The following ECSIT variants were observed in gnomAD, a reference collection of about 807,000 sequenced individuals.
ECSIT encodes the protein ECSIT signaling integrator, also known as evolutionarily conserved signaling intermediate in Toll pathway, mitochondrial.
Under a neutral mutation model 36.8 loss-of-function variants are expected in ECSIT, and 29 were observed. That is an observed-to-expected ratio of 0.79 (90% confidence interval 0.59 to 1.08). The LOEUF (loss-of-function observed/expected upper bound fraction) is 1.08. ECSIT is among the 50% of genes least tolerant of loss of function. The pLI is 0.00. For synonymous variants in ECSIT, 231 were observed against 234.8 expected, an observed-to-expected ratio of 0.98 and a Z score of 0.15; for missense variants, 542 against 581.0, an observed-to-expected ratio of 0.93 and a Z score of 0.69.
Position 11,506,257 on chromosome 19 carries a change from T to G in ECSIT, c.1223A>C (p.Glu408Ala). The change falls in exon 8 of 8, where the codon GAG (glutamate) becomes GCG (alanine). Residue 408 changes from glutamate to alanine, a missense_variant. Coordinates refer to ENST00000270517, the MANE Select transcript of ECSIT (RefSeq NM_016581.5). ...GTGGTCCTCGGGCAGGGGCGGCTCC[T>G]CCAGCCCTGCAGAGGATGTCTGGAG... is the stretch of plus-strand genomic sequence containing the variant. ...RELQTSSAGLEEPPLPEDHQE... is the reference protein window; with the variant it reads ...RELQTSSAGLAEPPLPEDHQE... 1 of 1,611,118 alleles carries G rather than the reference T, an allele frequency of 6.2e-7. No individual in the cohort carries two copies. The highest frequency in any genetic ancestry group is 1.7e-4 in the Middle Eastern group (1 of 6,056).
intron 2 of ECSIT, among the ~76,000 whole-genome samples, chr19:11,516,589 G>C (rs1028872267): frequency 1.3e-5 from 2 of 151,660 alleles, no homozygotes; most frequent in African/African-American, 4.8e-5. Flanking sequence ...GGAATCCCAG[G>C]CTGCAGTGAG....
chr19:11,527,383 C>A (rs984633275), intron 1 of ECSIT, among the ~76,000 whole-genome samples: 1 of 152,102 alleles, frequency 6.6e-6, no homozygotes, highest in African/African-American at 2.4e-5. Context: ...AACGGCATAT[C>A]ACACTTAAAA....
Position 11,513,906 on chromosome 19 carries a change from T to C in ECSIT, c.412A>G (p.Lys138Glu). 1.9e-6 allele frequency: 3 copies of C among 1,614,124 alleles called. No individual in the cohort carries two copies. Among genetic ancestry groups the C allele is most frequent in the Non-Finnish European group, 2.5e-6 (3 of 1,180,016 alleles). Residue 138 changes from lysine to glutamate, a missense_variant, in exon 3 of 8, where the codon AAG (lysine) becomes GAG (glutamate). Transcript: ENST00000270517. ...VYNQLLNIFP[K>E]EVFRPRNIIQ... Reference sequence around the variant, plus strand: ...ATGTTGCGAGGCCGGAAGACCTCCTTGGGGAAGATGTTGAGCAGCTGGTTG... The same window carrying C: ...ATGTTGCGAGGCCGGAAGACCTCCTCGGGGAAGATGTTGAGCAGCTGGTTG...
chr19:11,519,279 C>A lies in ECSIT; in HGVS notation c.-23-86G>T. 1 of 861,382 alleles carries A rather than the reference C, an allele frequency of 1.2e-6. No homozygotes were observed. 53.4% of individuals were successfully genotyped at this position (861,382 alleles called of 1,614,324 possible). A position where few individuals can be genotyped will look rare whatever the true frequency, so the allele number is the denominator to read the frequency against. ...GCCCCGCAGGGTCGAGGGCACACTC[C>A]AGATTATGTGGCTCACTCACCAGCC... On this transcript the variant is annotated intron_variant, in intron 1 of 7. Coordinates refer to ENST00000270517, the MANE Select transcript of ECSIT (RefSeq NM_016581.5). This position sits in a 1 kb window ranked among gnomAD's most constrained non-coding sequence, Gnocchi z 4.4.
chr19:11,517,090 C>T (rs1269678087), intron 2 of ECSIT, among the ~76,000 whole-genome samples: 2 of 151,980 alleles, frequency 1.3e-5, no homozygotes, highest in Non-Finnish European at 2.9e-5. Flanking sequence ...AAATGTGAGG[C>T]CCTAGGTGGG....
chr19:11,510,910 A>G (rs1391672325), intron 4 of ECSIT, among the ~76,000 whole-genome samples: 1 of 151,728 alleles, frequency 6.6e-6, no homozygotes, highest in Non-Finnish European at 1.5e-5. Context: ...CATGATTCCA[A>G]CCCGATTCCT....
At chr19:11,521,569 G>A (rs890240957) in intron 1 of ECSIT, among the ~76,000 whole-genome samples, 14 of 151,088 alleles carry the variant, frequency 9.3e-5, no homozygotes, top group African/African-American at 4.9e-5. Flanking sequence ...GAGTTCGAGA[G>A]CAGCCTGGCC....
chr19:11,520,607 C>A (rs904861292), intron 1 of ECSIT, among the ~76,000 whole-genome samples: 1 of 152,012 alleles, frequency 6.6e-6, no homozygotes, highest in East Asian at 1.9e-4. Context: ...CTCTGCTTTC[C>A]GGGCTCACGA....
At chr19:11,506,773 G>T (rs1436300076) in intron 7 of ECSIT, among the ~76,000 whole-genome samples, 2 of 152,112 alleles carry the variant, frequency 1.3e-5, no homozygotes, top group African/African-American at 4.8e-5. Context: ...GACCTCAAAT[G>T]ATCTACCCGC....
intron 2 of ECSIT, among the ~76,000 whole-genome samples, chr19:11,517,367 G>A (rs980420252): frequency 9.2e-5 from 14 of 151,978 alleles, no homozygotes; most frequent in East Asian, 1.9e-4. Flanking sequence ...TTTGAGAGGC[G>A]GGTGGATCAC....
chr19:11,511,402 C>A (rs902972807), intron 4 of ECSIT, among the ~76,000 whole-genome samples: 1 of 152,028 alleles, frequency 6.6e-6, no homozygotes, highest in Admixed American at 6.6e-5. Flanking sequence ...AGGGGTGGTG[C>A]CTTGGCCAGG....
rs1971930474 is a variant in ECSIT, at chr19:11,513,929, TTGTACACAG to T, written c.380_388del (p.Ala127_Asn130delinsAsp). 1 of 1,614,068 alleles carries T rather than the reference TTGTACACAG, an allele frequency of 6.2e-7. No homozygotes were observed. Among genetic ancestry groups the T allele is most frequent in the Admixed American group, 1.7e-5 (1 of 59,996 alleles). On this transcript the variant is annotated inframe_deletion, in exon 3 of 8. Transcript: ENST00000270517. ...CTTGGGGAAGATGTTGAGCAGCTGG[TTGTACACAG>T]CCAGGTCCCGCTCGACACCATACTC...
chr19:11,506,421 TTCC>T lies in ECSIT; in HGVS notation c.1056_1058del (p.Glu353del). 1 of 1,610,886 alleles carries T rather than the reference TTCC, an allele frequency of 6.2e-7. No individual in the cohort carries two copies. Among genetic ancestry groups the T allele is most frequent in the South Asian group, 1.1e-5 (1 of 90,994 alleles). ...CCATGCACATGGCGAAGACAGGGCC[TTCC>T]TCCACTGTTGGAAGACATGCACCCT... On this transcript the variant is annotated inframe_deletion, in exon 8 of 8. Transcript: ENST00000270517.
intron 1 of ECSIT, among the ~76,000 whole-genome samples, chr19:11,528,220 C>T (rs1305322503): frequency 6.6e-6 from 1 of 152,156 alleles, no homozygotes; most frequent in African/African-American, 2.4e-5. Context: ...TGACCATCTC[C>T]CATTCCCCAC....
intron 1 of ECSIT, chr19:11,523,927 A>AT (rs1434187218): frequency 2.7e-6 from 1 of 366,252 alleles, no homozygotes; most frequent in Non-Finnish European, 5.2e-6. Context: ...AGTAGTTAAG[A>AT]TTTTTTGTTT....
chr19:11,519,247 C>CCTGTGAGG lies in ECSIT; in HGVS notation c.-23-55_-23-54insCCTCACAG. ...CTGGCACCTTACAGATGCTAACAGACGCAAGGGCCCCGCAGGGTCGAGGGC... is the reference window on the plus strand; with the variant it reads ...CTGGCACCTTACAGATGCTAACAGACCTGTGAGGGCAAGGGCCCCGCAGGGTCGAGGGC... On this transcript the variant is annotated intron_variant, in intron 1 of 7. Transcript: ENST00000270517. This position sits in a 1 kb window ranked among gnomAD's most constrained non-coding sequence, Gnocchi z 4.4. The CCTGTGAGG allele has an allele frequency of 8.0e-7, 1 of 1,246,048 alleles. No homozygotes were observed. The highest frequency in any genetic ancestry group is 1.1e-6 in the Non-Finnish European group (1 of 879,848). 77.2% of individuals were successfully genotyped at this position (1,246,048 alleles called of 1,614,324 possible). A position where few individuals can be genotyped will look rare whatever the true frequency, so the allele number is the denominator to read the frequency against.
chr19:11,524,657 A>AG (rs1232450448), intron 1 of ECSIT, among the ~76,000 whole-genome samples: 4 of 151,516 alleles, frequency 2.6e-5, no homozygotes, highest in Admixed American at 6.6e-5. Flanking sequence ...AGAAAAAAAA[A>AG]AAAGAAAGAA....
Position 11,514,126 on chromosome 19 carries a change from C to A in ECSIT, c.192G>T (p.Arg64Ser). The change falls in exon 3 of 8, where the codon AGG becomes AGT. Residue 64 changes from arginine to serine, a missense_variant. Physicochemically the swap from Arg to Ser is moderately radical, Grantham distance 110. Coordinates refer to ENST00000270517, the MANE Select transcript of ECSIT (RefSeq NM_016581.5). ...LVPSPPEPRQ[R>S]PTKALVPFED... is the part of the protein sequence containing the mutation. Reference sequence around the variant, plus strand: ...CAAAGGGCACCAGAGCCTTGGTGGGCCTCTGCCGGGGTTCCGGTGGGCTGG... The same window carrying A: ...CAAAGGGCACCAGAGCCTTGGTGGGACTCTGCCGGGGTTCCGGTGGGCTGG... The A allele has an allele frequency of 2.5e-6, 4 of 1,614,074 alleles. No individual in the cohort carries two copies. Among genetic ancestry groups the A allele is most frequent in the Non-Finnish European group, 3.4e-6 (4 of 1,179,942 alleles).
At chr19:11,517,488 C>T (rs1343810421) in intron 2 of ECSIT, among the ~76,000 whole-genome samples, 1 of 151,852 alleles carries the variant, frequency 6.6e-6, no homozygotes, top group African/African-American at 2.4e-5. Context: ...CCCAGCTACT[C>T]AGGAGGCTGA....
Sources: allele counts gnomAD v4.1 joint callset (sites outside exome capture counted in the v4.1 genomes callset), GRCh38; gene constraint gnomAD v4.1.1; non-coding constraint Gnocchi (gnomAD v3.1); transcripts MANE v1.5; gene names NCBI Gene and HGNC (gene_info 2026-07-23, HGNC 2026-07-21).